SARS2: variants seen among roughly 807,000 people sequenced by gnomAD.
SARS2 encodes serine--tRNA ligase, mitochondrial.
SARS2 carries 52 observed loss-of-function variants against 66.8 expected under a neutral mutation model. The observed-to-expected ratio is 0.78, with a 90% CI of 0.62 to 0.98. The LOEUF (loss-of-function observed/expected upper bound fraction) is 0.98, where lower values mean the gene tolerates loss of function less well. Ranked by LOEUF, SARS2 falls within the 50% of genes least tolerant of loss-of-function variation. The probability of loss-of-function intolerance (pLI) is 0.00; values close to 1 mark genes in which losing one functional copy is unlikely to be tolerated. For synonymous variants in SARS2, 306 were observed against 281.4 expected, an observed-to-expected ratio of 1.09 and a Z score of -0.87; for missense variants, 673 against 706.3, an observed-to-expected ratio of 0.95 and a Z score of 0.53.
chr19:38,926,932 ATTTTTTT>A (rs771202609), intron 1 of SARS2, among the ~76,000 whole-genome samples: 3 of 138,968 alleles, frequency 2.2e-5, no homozygotes, highest in Non-Finnish European at 3.1e-5. Flanking sequence ...CCTCTAAGAA[ATTTTTTT>A]TTTTTTTTTT....
At chr19:38,922,155 G>T in intron 3 of SARS2, 83 bp downstream of exon 3, 2 of 1,598,038 alleles carry the variant, frequency 1.3e-6, no homozygotes, top group Non-Finnish European at 1.7e-6. Context: ...GTTGTTTTCT[G>T]TTACAATAGT....
chr19:38,915,590 T>G lies in SARS2; in HGVS notation c.*16A>C. The G allele has an allele frequency of 6.2e-7, 1 of 1,610,868 alleles. No individual in the cohort carries two copies. The highest frequency in any genetic ancestry group is 1.3e-5 in the African/African-American group (1 of 74,980). ...AGGAAGCAGTGACACCCCCGAGGGC[T>G]GCTGTGGGTGGGTTCTTAGCTTACA... is the stretch of plus-strand genomic sequence containing the variant. On this transcript the variant is annotated 3_prime_UTR_variant, in exon 16 of 16. Transcript: ENST00000221431.
At chr19:38,927,177 A>G (rs1431798044) in intron 1 of SARS2, among the ~76,000 whole-genome samples, 5 of 151,988 alleles carry the variant, frequency 3.3e-5, no homozygotes, top group Non-Finnish European at 7.4e-5. Flanking sequence ...GCCTCACGCA[A>G]TCTGCCTGCC....
chr19:38,916,152 T>C (rs773714423), intron 13 of SARS2, 23 bp from the exon 14 acceptor site: 1 of 1,613,708 alleles, frequency 6.2e-7, no homozygotes, highest in East Asian at 2.2e-5. Flanking sequence ...AGCGGCAGGC[T>C]GAGCGGATCA....
intron 1 of SARS2, 129 bp from the exon 2 acceptor site, chr19:38,926,429 C>A: frequency 2.6e-6 from 2 of 762,376 alleles, no homozygotes; most frequent in South Asian, 3.0e-5. Flanking sequence ...AGTGGCCATC[C>A]TCCCCTCCTC....
At chr19:38,919,937 G>C in intron 6 of SARS2, 70 bp from the exon 7 acceptor site, 1 of 1,447,938 alleles carries the variant, frequency 6.9e-7, no homozygotes, top group South Asian at 1.2e-5. Context: ...GAAAACACCC[G>C]GGGGAAGAGG....
At chr19:38,921,475 AG>A in intron 4 of SARS2, 29 bp from the exon 5 acceptor site, 1 of 1,614,144 alleles carries the variant, frequency 6.2e-7, no homozygotes, top group East Asian at 2.2e-5. Context: ...AGTCACGGAA[AG>A]GTGGCACTAG....
intron 5 of SARS2, among the ~76,000 whole-genome samples, 200 bp downstream of exon 5, chr19:38,921,192 G>C (rs1022560370): frequency 1.3e-5 from 2 of 152,184 alleles, no homozygotes; most frequent in Non-Finnish European, 2.9e-5. Context: ...ATGGTGAAGG[G>C]GGAGAGAATG....
Position 38,917,918 on chromosome 19 carries a change from A to G in SARS2, c.1050+3T>C, listed in dbSNP as rs377419385. 1.9e-6 allele frequency: 3 copies of G among 1,612,394 alleles called. No individual in the cohort carries two copies. Among genetic ancestry groups the G allele is most frequent in the Middle Eastern group, 1.6e-4 (1 of 6,082 alleles). Reference sequence around the variant, plus strand: ...AGCCCCGTTTAGTCCCAGCGACACCAGCCTTGGTGAAGTGGTGTACTCGAT... The same window carrying G: ...AGCCCCGTTTAGTCCCAGCGACACCGGCCTTGGTGAAGTGGTGTACTCGAT... On this transcript the variant is annotated splice_donor_region_variant and intron_variant, in intron 11 of 15. Transcript: ENST00000221431.
rs34264048 is a variant in SARS2, at chr19:38,930,634, T to C, written c.103A>G (p.Thr35Ala). 0.013 allele frequency: 21,169 copies of C among 1,614,028 alleles called. 1,536 individuals are homozygous for C. In the African/African-American group the frequency reaches 0.2, roughly 15 times the overall value. Reference protein sequence around the residue: ...ISNDSPRRSFTTEKRNRNLLY... With the variant: ...ISNDSPRRSFATEKRNRNLLY... ...AGGTTCCGGTTTCGTTTCTCTGTAG[T>C]GAAACTTCTCCTTGGACTATCGTTG... The change falls in exon 1 of 16, where the codon ACT (threonine) becomes GCT (alanine). Residue 35 changes from threonine (T) to alanine (A), a missense_variant. Physicochemically the swap from Thr to Ala is moderately conservative, Grantham distance 58. Transcript: ENST00000221431.
intron 2 of SARS2, 134 bp from the exon 3 acceptor site, chr19:38,922,401 G>A (rs1974553478): frequency 3.7e-6 from 3 of 817,586 alleles, no homozygotes; most frequent in Non-Finnish European, 6.3e-6. Context: ...GGGTCCCTCT[G>A]CAACTCTGTG....
intron 1 of SARS2, 52 bp downstream of exon 1, chr19:38,930,418 T>G: frequency 6.5e-7 from 1 of 1,547,010 alleles, no homozygotes; most frequent in Middle Eastern, 1.8e-4. Context: ...GCAAACCCAA[T>G]TCTTCCGTAA....
chr19:38,924,494 T>C (rs1974595834), intron 2 of SARS2, among the ~76,000 whole-genome samples: 1 of 152,134 alleles, frequency 6.6e-6, no homozygotes, highest in South Asian at 2.1e-4. Context: ...TGGTTGTCCA[T>C]GATGTAGACA....
At position 38,918,505 on chromosome 19, in the gene SARS2, G is replaced by A. The variant is rs546320477; in HGVS notation, c.833C>T (p.Ala278Val). The change falls in exon 9 of 16, where the codon GCC (alanine) becomes GTC (valine). Residue 278 changes from alanine (A) to valine (V), a missense_variant. Physicochemically the swap from Ala to Val is moderately conservative, Grantham distance 64 (BLOSUM62 0). Transcript: ENST00000221431. The stretch of plus-strand genomic sequence containing the variant: ...GATGTTGTAAATTTGGGATGGGTTG[G>A]CATTTGGTGTCATCCCACAGCCTTC... ...VFEGCGMTPN[A>V]NPSQIYNIDP... The A allele has an allele frequency of 1.3e-5, 21 of 1,613,998 alleles. No individual in the cohort carries two copies. Among genetic ancestry groups the A allele is most frequent in the Non-Finnish European group, 1.7e-5 (20 of 1,179,938 alleles).
At chr19:38,921,014 CAGATACACAGAT>C (rs1471350674) in intron 5 of SARS2, among the ~76,000 whole-genome samples, 2 of 27,866 alleles carry the variant, frequency 7.2e-5, no homozygotes, top group Non-Finnish European at 9.5e-5. Flanking sequence ...CAGACACACA[CAGATACACAGAT>C]ACAGACACAC....
At chr19:38,919,355 C>A (rs1974476915) in intron 7 of SARS2, among the ~76,000 whole-genome samples, 1 of 152,216 alleles carries the variant, frequency 6.6e-6, no homozygotes, top group Non-Finnish European at 1.5e-5. Flanking sequence ...CTCCCTAGTA[C>A]CCTCTGAAAA....
At chr19:38,927,936 G>A (rs1221356259) in intron 1 of SARS2, among the ~76,000 whole-genome samples, 2 of 152,186 alleles carry the variant, frequency 1.3e-5, no homozygotes, top group African/African-American at 4.8e-5. Flanking sequence ...AGGAGGCCAA[G>A]GCAGGAGAAT....
At chr19:38,930,224 C>A (rs1600175546) in intron 1 of SARS2, 2 of 543,256 alleles carry the variant, frequency 3.7e-6, no homozygotes, top group Non-Finnish European at 6.5e-6. Context: ...AGGTACCCAG[C>A]GAGCAGTATG....
At chr19:38,921,093 A>T (rs1600167447) in intron 5 of SARS2, among the ~76,000 whole-genome samples, 1 of 152,076 alleles carries the variant, frequency 6.6e-6, no homozygotes, top group East Asian at 1.9e-4. Flanking sequence ...ATACAGACAC[A>T]CATGACACAC....
Sources: gnomAD v4.1 joint callset for allele counts (sites outside exome capture counted in the v4.1 genomes callset) on GRCh38, gnomAD v4.1.1 for gene constraint, MANE v1.5 for transcripts, NCBI Gene and HGNC (gene_info 2026-07-23, HGNC 2026-07-21) for gene names.